The following DOCK3 variants were observed in gnomAD, a reference collection of about 807,000 sequenced individuals.
DOCK3 encodes dedicator of cytokinesis 3, also known as dedicator of cytokinesis protein 3.
In DOCK3, 60 loss-of-function variants were observed where a neutral mutation model predicts 265.6. The ratio of observed to expected loss-of-function variants is 0.23; its 90% CI spans 0.18 to 0.28. The LOEUF is 0.28. DOCK3 is among the 10% of genes least tolerant of loss of function. DOCK3 has a pLI of 1.00. For missense variants in DOCK3, 1,981 were observed against 2,594.3 expected, an observed-to-expected ratio of 0.76 and a Z score of 5.14; for synonymous variants, 881 against 938.0, an observed-to-expected ratio of 0.94 and a Z score of 1.11.
intron 7 of DOCK3, among the ~76,000 whole-genome samples, chr3:51,079,558 G>T (rs2082158900): frequency 6.6e-6 from 1 of 151,588 alleles, no homozygotes; most frequent in African/African-American, 2.4e-5. Context: ...TCGCCATGTT[G>T]CCCAGGCTAG....
At chr3:50,881,977 C>T (rs1460818743) in intron 3 of DOCK3, among the ~76,000 whole-genome samples, 3 of 152,166 alleles carry the variant, frequency 2.0e-5, no homozygotes, top group Non-Finnish European at 4.4e-5. Context: ...CTACAACCAT[C>T]TGCTCTTTGA....
chr3:50,886,185 G>GAT (rs1491509664), intron 3 of DOCK3, among the ~76,000 whole-genome samples: 38 of 121,020 alleles, frequency 3.1e-4, no homozygotes, highest in South Asian at 6.0e-4. Flanking sequence ...TTTTATTTTG[G>GAT]AGATATATAT....
chr3:51,211,318 A>C (rs1262034995), intron 13 of DOCK3, among the ~76,000 whole-genome samples: 1 of 152,164 alleles, frequency 6.6e-6, no homozygotes, highest in East Asian at 1.9e-4. Context: ...CAGTGAGACC[A>C]GATTAACAGA....
intron 5 of DOCK3, among the ~76,000 whole-genome samples, chr3:50,939,499 A>T (rs1372789470): frequency 1.3e-5 from 2 of 152,148 alleles, no homozygotes; most frequent in African/African-American, 4.8e-5. Flanking sequence ...GGTATTAACA[A>T]CTTGATCAAT....
intron 1 of DOCK3, among the ~76,000 whole-genome samples, chr3:50,703,166 C>T (rs937868563): frequency 5.9e-5 from 9 of 152,128 alleles, no homozygotes; most frequent in Non-Finnish European, 1.3e-4. Flanking sequence ...ATATGTTGAA[C>T]AATCCTTGCA....
chr3:51,084,455 TG>T (rs2082351289), intron 7 of DOCK3, among the ~76,000 whole-genome samples: 1 of 152,026 alleles, frequency 6.6e-6, no homozygotes, highest in Non-Finnish European at 1.5e-5. Context: ...GAGGGATTGG[TG>T]GGGGCATGAG....
chr3:51,346,474 CT>C (rs1265090037), intron 38 of DOCK3, among the ~76,000 whole-genome samples: 3 of 152,038 alleles, frequency 2.0e-5, no homozygotes, highest in Non-Finnish European at 4.4e-5. Context: ...TGGACTCATC[CT>C]TTTTTATGGC....
chr3:51,106,584 A>G (rs1231906009), intron 9 of DOCK3, among the ~76,000 whole-genome samples: 1 of 152,118 alleles, frequency 6.6e-6, no homozygotes, highest in Non-Finnish European at 1.5e-5. Flanking sequence ...TTTCCTCACC[A>G]GTGCCTTGCC....
chr3:50,866,564 T>C (rs974138063), intron 3 of DOCK3, among the ~76,000 whole-genome samples: 3 of 152,028 alleles, frequency 2.0e-5, no homozygotes, highest in African/African-American at 7.2e-5. Flanking sequence ...GTTTTGTAGT[T>C]TGAGGGTATA....
intron 5 of DOCK3, among the ~76,000 whole-genome samples, chr3:50,987,339 G>A (rs2077940397): frequency 6.6e-6 from 1 of 152,080 alleles, no homozygotes; most frequent in African/African-American, 2.4e-5. Context: ...GTGGTAGCTG[G>A]TAGTTAGTTA....
At chr3:51,162,946 T>G (rs1004734737) in intron 12 of DOCK3, among the ~76,000 whole-genome samples, 7 of 152,178 alleles carry the variant, frequency 4.6e-5, no homozygotes, top group Admixed American at 3.9e-4. Context: ...CACTTGAAAA[T>G]GTTAACAGAC....
chr3:51,283,072 A>G (rs1268965690), intron 27 of DOCK3, among the ~76,000 whole-genome samples: 1 of 152,220 alleles, frequency 6.6e-6, no homozygotes, highest in African/African-American at 2.4e-5. Flanking sequence ...CCACACAGAA[A>G]AATATGAAGC....
At chr3:51,350,771 C>T (rs574663077) in intron 40 of DOCK3, among the ~76,000 whole-genome samples, 1 of 152,220 alleles carries the variant, frequency 6.6e-6, no homozygotes, top group South Asian at 2.1e-4. Flanking sequence ...CTGACTTTAA[C>T]AGTAGACTGG....
chr3:51,293,393 A>G (rs766785152), intron 27 of DOCK3, among the ~76,000 whole-genome samples: 1 of 152,208 alleles, frequency 6.6e-6, no homozygotes, highest in Admixed American at 6.5e-5. Flanking sequence ...AGTCTCATCA[A>G]TAAGTGATGT....
At chr3:50,967,918 A>G (rs746902481) in intron 5 of DOCK3, among the ~76,000 whole-genome samples, 94 of 152,288 alleles carry the variant, frequency 6.2e-4, no homozygotes, top group Non-Finnish European at 1.1e-3. Flanking sequence ...TTGCTGGGCC[A>G]TATGGTAGTT....
intron 2 of DOCK3, among the ~76,000 whole-genome samples, chr3:50,794,241 A>T (rs566989122): frequency 6.6e-6 from 1 of 152,178 alleles, no homozygotes; most frequent in Non-Finnish European, 1.5e-5. Context: ...GTAAATTTCT[A>T]TCAGATCCAT....
At chr3:50,941,633 TTTCTA>T (rs1172749769) in intron 5 of DOCK3, among the ~76,000 whole-genome samples, 2 of 152,128 alleles carry the variant, frequency 1.3e-5, no homozygotes, top group East Asian at 3.8e-4. Context: ...AAAAGCTTTA[TTTCTA>T]ATAGCATAAA....
At chr3:51,175,293 G>A (rs1339218056) in intron 12 of DOCK3, among the ~76,000 whole-genome samples, 2 of 152,150 alleles carry the variant, frequency 1.3e-5, no homozygotes, top group African/African-American at 2.4e-5. Context: ...GTCAGACTAA[G>A]TTTAGTGGTC....
intron 27 of DOCK3, among the ~76,000 whole-genome samples, chr3:51,288,566 C>A (rs1001516727): frequency 1.9e-4 from 29 of 151,990 alleles, no homozygotes; most frequent in African/African-American, 6.3e-4. Flanking sequence ...ACCTATATAA[C>A]AAACCTGCAC....
Sources: allele counts gnomAD v4.1 joint callset (sites outside exome capture counted in the v4.1 genomes callset), GRCh38; gene constraint gnomAD v4.1.1; transcripts MANE v1.5; gene names NCBI Gene and HGNC (gene_info 2026-07-23, HGNC 2026-07-21).